CELSR3: variants seen among roughly 807,000 people sequenced by gnomAD.
CELSR3 encodes cadherin EGF LAG seven-pass G-type receptor 3, also known as EGF-like protein 1.
CELSR3 carries 73 observed loss-of-function variants against 270.0 expected under a neutral mutation model. That is an observed-to-expected ratio of 0.27 (90% CI 0.22 to 0.33). The LOEUF is 0.33. Among genes scored for constraint, CELSR3 ranks in the 10% least tolerant of loss-of-function variants. The pLI is 1.00. For synonymous variants in CELSR3, 1,780 were observed against 1,905.4 expected (o/e 0.93, Z 1.71); for missense variants, 3,614 against 4,533.8 (o/e 0.80, Z 5.83).
Position 48,640,246 on chromosome 3 carries a change from C to A in CELSR3, c.9339G>T (p.Glu3113Asp), listed in dbSNP as rs762943807. The A allele has an allele frequency of 1.2e-6, 2 of 1,612,832 alleles. No individual in the cohort carries two copies. Among genetic ancestry groups the A allele is most frequent in the Non-Finnish European group, 1.7e-6 (2 of 1,179,946 alleles). Residue 3113 changes from glutamate (E) to aspartate (D), a missense_variant, in exon 34 of 35, where the codon GAG becomes GAT. By Grantham distance (45) the Glu-to-Asp change is conservative. Around this residue, in one of 7 missense-constraint regions of CELSR3, gnomAD observed 1,240 missense variants for 1,351.7 expected, o/e 0.92. Coordinates refer to ENST00000164024, the MANE Select transcript of CELSR3 (RefSeq NM_001407.3). The surrounding 1 kb of genome is among the most constrained non-coding windows in gnomAD (Gnocchi z 7.5). The part of the protein sequence containing the change: ...ECMDAAPGRL[E>D]PKDRGSTLPR... ...GCAGGGTGCTGCCCCGATCTTTGGG[C>A]TCCAGTCGGCCTGGTGCAGCATCCA...
chr3:48,656,631 C>G, intron 2 of CELSR3, 67 bp downstream of exon 2: 1 of 1,432,356 alleles, frequency 7.0e-7, no homozygotes, highest in Non-Finnish European at 9.1e-7. Context: ...AGTACTCACT[C>G]GCATTGTGGT....
rs1044019880 is a variant in CELSR3 at position 48,648,417 on chromosome 3, C to T, written c.6822G>A (p.Gly2274=). 39 of 1,603,636 alleles carry T rather than the reference C, an allele frequency of 2.4e-5. No homozygotes were observed. The highest frequency in any genetic ancestry group is 3.3e-5 in the Non-Finnish European group (39 of 1,176,318). ...GCTGCCCCAGCGCCGCCCACAAGTCCCCTGTCTCTGGGGCAAGCAGTGCAG... is the reference window on the plus strand; with the variant it reads ...GCTGCCCCAGCGCCGCCCACAAGTCTCCTGTCTCTGGGGCAAGCAGTGCAG... ...AGSALLAPET[G]DLWAALGQRA... is the part of the protein sequence containing the mutation. Residue 2274 remains glycine (G), a synonymous_variant, in exon 19 of 35, where the codon GGG becomes GGA. Transcript: ENST00000164024.
At position 48,653,764 on chromosome 3, in the gene CELSR3, C is replaced by T. The variant is rs137934613; in HGVS notation, c.5303G>A (p.Arg1768His). The T allele has an allele frequency of 9.3e-4, 1,506 of 1,614,164 alleles. 17 individuals are homozygous for T. In the African/African-American group the frequency reaches 0.017, roughly 18 times the overall value. The change falls in exon 9 of 35, where the codon CGT (arginine) becomes CAT (histidine). Residue 1768 changes from arginine (R) to histidine (H), a missense_variant. Transcript: ENST00000164024. This position sits in a 1 kb window ranked among gnomAD's most constrained non-coding sequence, Gnocchi z 6.5. The stretch of plus-strand genomic sequence containing the variant: ...GTTCCAGCTCAGTGTGCCGTTGCCA[C>T]GGAAATGGTGGGGATGGGCCATAGC... ...QLTMAHPHHF[R>H]GNGTLSWNFG...
chr3:48,659,009 G>A lies in CELSR3; in HGVS notation c.3626C>T (p.Ser1209Phe). ...DPDVSDHLFY[S>F]FERGNELQLL... ...CTGCAGCTCATTGCCACGCTCAAAG[G>A]AGTAGAAGAGGTGGTCGGAGACATC... The change falls in exon 1 of 35, where the codon TCC (serine) becomes TTC (phenylalanine). Residue 1209 changes from serine (S) to phenylalanine (F), a missense_variant. Transcript: ENST00000164024. This position sits in a 1 kb window ranked among gnomAD's most constrained non-coding sequence, Gnocchi z 8.1. 1 of 1,614,192 alleles carries A rather than the reference G, an allele frequency of 6.2e-7. No homozygotes were observed. Among genetic ancestry groups the A allele is most frequent in the Non-Finnish European group, 8.5e-7 (1 of 1,180,030 alleles).
In CELSR3 at chr3:48,642,816, G is replaced by A; in HGVS notation, c.8475C>T (p.Ala2825=). The change falls in exon 30 of 35, where the codon GCC becomes GCT. Residue 2825 remains alanine (A), a synonymous_variant. Coordinates refer to ENST00000164024, the MANE Select transcript of CELSR3 (RefSeq NM_001407.3). The surrounding 1 kb of genome is among the most constrained non-coding windows in gnomAD (Gnocchi z 6.1). ...ESGLIRITLG[A]STVSSVSSAR... ...CACTGCTCACAGAGGAGACGGTGGA[G>A]GCGCCCAGAGTGATGCGGATGAGGC... The A allele has an allele frequency of 6.2e-7, 1 of 1,613,192 alleles. No individual in the cohort carries two copies. The highest frequency in any genetic ancestry group is 1.7e-5 in the Admixed American group (1 of 60,016).
Position 48,641,836 on chromosome 3 carries a change from G to A in CELSR3, c.8824+15C>T. 6.9e-7 allele frequency: 1 copy of A among 1,450,334 alleles called. No homozygotes were observed. Among genetic ancestry groups the A allele is most frequent in the African/African-American group, 1.4e-5 (1 of 70,184 alleles). The allele number at this position is 1,450,334 out of a possible 1,614,324, so 89.8% of individuals were successfully genotyped here. A position where few individuals can be genotyped will look rare whatever the true frequency, so the allele number is the denominator to read the frequency against. On this transcript the variant is annotated intron_variant, in intron 32 of 34. Transcript: ENST00000164024. This position sits in a 1 kb window ranked among gnomAD's most constrained non-coding sequence, Gnocchi z 4.8. ...CATCCCTTGGTCACCCAAGGGGTCA[G>A]AGGGCGCCTGGCACCTTTGGGGTGG...
intron 20 of CELSR3, 28 bp downstream of exon 20, chr3:48,647,813 G>C (rs929994838): frequency 1.2e-6 from 2 of 1,601,190 alleles, no homozygotes; most frequent in South Asian, 1.1e-5. Flanking sequence ...GACAGGACTT[G>C]GCCCAGGGGT....
At position 48,639,469 on chromosome 3, in the gene CELSR3, C is replaced by T. The variant is rs1356264452; in HGVS notation, c.9911+205G>A. Reference sequence around the variant, plus strand: ...GGAAGGCTGGCTGGCTCCAGTCACACAGCCAGCAAGTCCCTGCTAGTCACA... The same window carrying T: ...GGAAGGCTGGCTGGCTCCAGTCACATAGCCAGCAAGTCCCTGCTAGTCACA... On this transcript the variant is annotated intron_variant, in intron 34 of 34. Transcript: ENST00000164024. The surrounding 1 kb of genome is among the most constrained non-coding windows in gnomAD (Gnocchi z 4.1). Among the ~76,000 whole-genome samples, 1 of 152,176 alleles carries T rather than the reference C, an allele frequency of 6.6e-6. No individual in the cohort carries two copies. The highest frequency in any genetic ancestry group is 2.4e-5 in the African/African-American group (1 of 41,438).
In CELSR3 at chr3:48,652,327, C is replaced by G; in HGVS notation, c.5751+110G>C. ...CTAGCTCTCAACTCTGGGTCATTCA[C>G]CCCCTCGCACCAACCCCCACTTGAA... On this transcript the variant is annotated intron_variant, in intron 11 of 34. Coordinates refer to ENST00000164024, the MANE Select transcript of CELSR3 (RefSeq NM_001407.3). This position sits in a 1 kb window ranked among gnomAD's most constrained non-coding sequence, Gnocchi z 4.3. The G allele has an allele frequency of 1.1e-6, 1 of 919,372 alleles. No individual in the cohort carries two copies. The highest frequency in any genetic ancestry group is 1.8e-6 in the Non-Finnish European group (1 of 562,330). 57.0% of individuals were successfully genotyped at this position (919,372 alleles called of 1,614,324 possible). A position where few individuals can be genotyped will look rare whatever the true frequency, so the allele number is the denominator to read the frequency against.
chr3:48,643,745 C>T lies in CELSR3; in HGVS notation c.8166-68G>A, dbSNP rs749631735. The T allele has an allele frequency of 7.1e-5, 108 of 1,510,850 alleles. No individual in the cohort carries two copies. The African/African-American group carries it at 1.1e-3, about 16-fold the overall frequency. 93.6% of individuals were successfully genotyped at this position (1,510,850 alleles called of 1,614,324 possible). The stretch of plus-strand genomic sequence containing the variant: ...TCATGTAGGACTCATGCAGGGAACA[C>T]GGGAGGACACACAGGGGCCACACAC... On this transcript the variant is annotated intron_variant, in intron 27 of 34. Transcript: ENST00000164024.
chr3:48,648,238 G>GGCCCCCCCCCCCCCCCC, intron 19 of CELSR3, 28 bp downstream of exon 19: 4 of 1,342,628 alleles, frequency 3.0e-6, no homozygotes, highest in Non-Finnish European at 3.2e-6. Flanking sequence ...CCCCTGCTGT[G>GGCCCCCCCCCCCCCCCC]CCCCGCCCTA....
At chr3:48,656,562 C>T (rs1000867523) in intron 2 of CELSR3, 136 bp downstream of exon 2, 2 of 1,284,754 alleles carry the variant, frequency 1.6e-6, no homozygotes, top group Non-Finnish European at 2.0e-6. Flanking sequence ...TCCGGCCACG[C>T]TCTACGGCTT....
chr3:48,644,179 T>C lies in CELSR3; in HGVS notation c.8165+37A>G. ...GACCCCACCCAGGAGGGACCTGCCATCCTGAGAAGCCCCCTTCCTCCAGCC... is the reference window on the plus strand; with the variant it reads ...GACCCCACCCAGGAGGGACCTGCCACCCTGAGAAGCCCCCTTCCTCCAGCC... On this transcript the variant is annotated intron_variant, in intron 27 of 34. Transcript: ENST00000164024. This position sits in a 1 kb window ranked among gnomAD's most constrained non-coding sequence, Gnocchi z 4.8. 1.3e-6 allele frequency: 2 copies of C among 1,584,266 alleles called. No individual in the cohort carries two copies. Among genetic ancestry groups the C allele is most frequent in the Non-Finnish European group, 1.7e-6 (2 of 1,155,910 alleles).
At chr3:48,648,173 T>C (rs1012562014) in intron 19 of CELSR3, 93 bp downstream of exon 19, 1 of 1,436,226 alleles carries the variant, frequency 7.0e-7, no homozygotes, top group Admixed American at 1.9e-5. Context: ...GCCATTAACA[T>C]TGGCATTGAT....
Position 48,652,313 on chromosome 3 carries a change from C to G in CELSR3, c.5751+124G>C. The G allele has an allele frequency of 1.2e-6, 1 of 857,840 alleles. No homozygotes were observed. The highest frequency in any genetic ancestry group is 2.0e-6 in the Non-Finnish European group (1 of 512,482). The allele number at this position is 857,840 out of a possible 1,614,324, so 53.1% of individuals were successfully genotyped here. ...CAGAAAGGCTTGACCTAGCTCTCAA[C>G]TCTGGGTCATTCACCCCCTCGCACC... On this transcript the variant is annotated intron_variant, in intron 11 of 34. Transcript: ENST00000164024. This position sits in a 1 kb window ranked among gnomAD's most constrained non-coding sequence, Gnocchi z 4.3.
rs2077063653 is a variant in CELSR3, at chr3:48,661,183, GGCGGCAGCTGCA to G, written c.1440_1451del (p.Ala482_Ala485del). 6.3e-7 allele frequency: 1 copy of G among 1,597,230 alleles called. No individual in the cohort carries two copies. The highest frequency in any genetic ancestry group is 1.7e-5 in the Admixed American group (1 of 57,726). ...CGGAGCGTGGATCAATCTCGAAGGCGGCGGCAGCTGCAGCGCGCGCAGCTGGCGGCCCCACGA... is the reference window on the plus strand; with the variant it reads ...CGGAGCGTGGATCAATCTCGAAGGCGGCGCGCGCAGCTGGCGGCCCCACGA... On this transcript the variant is annotated inframe_deletion, in exon 1 of 35. Transcript: ENST00000164024.
chr3:48,648,945 A>T lies in CELSR3; in HGVS notation c.6568-17T>A. The T allele has an allele frequency of 6.2e-7, 1 of 1,612,120 alleles. No individual in the cohort carries two copies. Among genetic ancestry groups the T allele is most frequent in the Non-Finnish European group, 8.5e-7 (1 of 1,179,538 alleles). ...GCCATCCAGCTGCCAAGACAAGGAG[A>T]TGGTTGCTCTGTGGTCCCTTAGGCC... On this transcript the variant is annotated splice_polypyrimidine_tract_variant and intron_variant, in intron 17 of 34. Transcript: ENST00000164024.
At position 48,644,264 on chromosome 3, in the gene CELSR3, C is replaced by A. The variant is rs775646965; in HGVS notation, c.8117G>T (p.Arg2706Leu). 27 of 1,613,086 alleles carry A rather than the reference C, an allele frequency of 1.7e-5. No individual in the cohort carries two copies. The highest frequency in any genetic ancestry group is 2.3e-5 in the Non-Finnish European group (27 of 1,179,904). ...CCTCTGCCCTGTGGAGCAGGATGTG[C>A]GGGCAGCGAGGAGAAACATGGTCCC... is the stretch of plus-strand genomic sequence containing the variant. ...MNGTMFLLAA[R>L]TSCSTGQREA... Residue 2706 changes from arginine to leucine, a missense_variant, in exon 27 of 35, where the codon CGC (arginine) becomes CTC (leucine). By Grantham distance (102) the Arg-to-Leu change is moderately radical (BLOSUM62 -2). Transcript: ENST00000164024. The surrounding 1 kb of genome is among the most constrained non-coding windows in gnomAD (Gnocchi z 4.8).
chr3:48,640,888 AG>A lies in CELSR3; in HGVS notation c.9026-330del, dbSNP rs1201510837. On this transcript the variant is annotated intron_variant, in intron 33 of 34. Coordinates refer to ENST00000164024, the MANE Select transcript of CELSR3 (RefSeq NM_001407.3). This position sits in a 1 kb window ranked among gnomAD's most constrained non-coding sequence, Gnocchi z 7.5. ...GACAATGCAGGCCTGGCTGAAATGCAGGAACCCCCCGGGTTGGACAGGAGCA... is the reference window on the plus strand; with the variant it reads ...GACAATGCAGGCCTGGCTGAAATGCAGAACCCCCCGGGTTGGACAGGAGCA... 9.0e-6 allele frequency: 4 copies of A among 444,022 alleles called. No homozygotes were observed. In the Admixed American group the frequency reaches 1.6e-4, roughly 18 times the overall value. The allele number at this position is 444,022 out of a possible 1,614,324, so 27.5% of individuals were successfully genotyped here. A position where few individuals can be genotyped will look rare whatever the true frequency, so the allele number is the denominator to read the frequency against.
Sources: allele counts gnomAD v4.1 joint callset (sites outside exome capture counted in the v4.1 genomes callset), GRCh38; gene constraint gnomAD v4.1.1; regional missense constraint gnomAD v4.1.1; non-coding constraint Gnocchi (gnomAD v3.1); transcripts MANE v1.5; gene names NCBI Gene and HGNC (gene_info 2026-07-23, HGNC 2026-07-21).